Variants in MITF observed in about 807,000 individuals in gnomAD.
The protein encoded by MITF is melanocyte inducing transcription factor, also known as microphthalmia-associated transcription factor.
Under a neutral mutation model 60.5 loss-of-function variants are expected in MITF, and 17 were observed. The observed-to-expected ratio is 0.28, with a 90% CI of 0.19 to 0.42. The LOEUF is 0.42. MITF is among the 10% of genes least tolerant of loss of function. MITF has a pLI of 1.00. For synonymous variants in MITF, 260 were observed against 248.5 expected (o/e 1.05, Z -0.43); for missense variants, 622 against 683.5 (o/e 0.91, Z 1.00).
At chr3:69,785,450 C>T (rs1001675763) in intron 1 of MITF, among the ~76,000 whole-genome samples, 3 of 152,198 alleles carry the variant, frequency 2.0e-5, no homozygotes, top group Admixed American at 2.0e-4. Flanking sequence ...CTGCAGGTCA[C>T]ATGACCAGTA....
chr3:69,809,224 A>G (rs2063061909), intron 1 of MITF, among the ~76,000 whole-genome samples: 1 of 152,114 alleles, frequency 6.6e-6, no homozygotes, highest in Non-Finnish European at 1.5e-5. Context: ...AGAAAATAGG[A>G]TAAGGAATGG....
At chr3:69,824,849 C>T (rs1408662855) in intron 1 of MITF, among the ~76,000 whole-genome samples, 4 of 152,184 alleles carry the variant, frequency 2.6e-5, no homozygotes, top group Non-Finnish European at 5.9e-5. Context: ...TTCCCTGAAA[C>T]CCTAGAGGAT....
At chr3:69,908,085 C>T (rs79201871) in intron 2 of MITF, among the ~76,000 whole-genome samples, 2 of 148,792 alleles carry the variant, frequency 1.3e-5, no homozygotes, top group Non-Finnish European at 1.5e-5. Context: ...CCTTATGGGG[C>T]TTTTGCCTTT....
chr3:69,937,365 G>GGTGTGTGTGTGT lies in MITF; in HGVS notation c.355-428_355-417dup, dbSNP rs56689910. On this transcript the variant is annotated intron_variant, in intron 2 of 9. Coordinates refer to ENST00000352241, the MANE Select transcript of MITF (RefSeq NM_001354604.2). ...ATTTTACACAGTTGGTTCTTAAGGAGGTGTGTGTGTGTGTGTGTGTGTGTG... is the reference window on the plus strand; with the variant it reads ...ATTTTACACAGTTGGTTCTTAAGGAGGTGTGTGTGTGTGTGTGTGTGTGTGTGTGTGTGTGTG... Among the ~76,000 whole-genome samples the GGTGTGTGTGTGT allele has an allele frequency of 9.8e-5, 14 of 142,204 alleles. No individual in the cohort carries two copies. In the East Asian group the frequency reaches 1.7e-3, roughly 17 times the overall value. The allele number at this position is 142,204 out of a possible 152,430, so 93.3% of individuals were successfully genotyped here. A position where few individuals can be genotyped will look rare whatever the true frequency, so the allele number is the denominator to read the frequency against.
intron 1 of MITF, among the ~76,000 whole-genome samples, chr3:69,764,735 C>T (rs368857561): frequency 6.6e-6 from 1 of 152,090 alleles, no homozygotes; most frequent in African/African-American, 2.4e-5. Flanking sequence ...GACTCAAGGC[C>T]GTTACTGGTA....
At chr3:69,891,075 C>A (rs1384156202) in intron 2 of MITF, among the ~76,000 whole-genome samples, 1 of 152,156 alleles carries the variant, frequency 6.6e-6, no homozygotes, top group Non-Finnish European at 1.5e-5. Flanking sequence ...TTCTTATTAT[C>A]TTCCATTAAC....
chr3:69,891,263 C>A (rs1460918109), intron 2 of MITF, among the ~76,000 whole-genome samples: 2 of 152,120 alleles, frequency 1.3e-5, no homozygotes, highest in Non-Finnish European at 2.9e-5. Flanking sequence ...TTTATTGACA[C>A]CTGGGACTCC....
chr3:69,821,336 A>G (rs1268495847), intron 1 of MITF, among the ~76,000 whole-genome samples: 2 of 152,308 alleles, frequency 1.3e-5, no homozygotes, highest in South Asian at 2.1e-4. Context: ...CTCAGCTTTT[A>G]GAGACATTGA....
chr3:69,890,356 A>T (rs1419365145), intron 2 of MITF, among the ~76,000 whole-genome samples: 1 of 152,102 alleles, frequency 6.6e-6, no homozygotes, highest in East Asian at 1.9e-4. Context: ...CATACTCTCA[A>T]TCCAGGTTCT....
At chr3:69,834,235 C>T (rs188663868) in intron 1 of MITF, among the ~76,000 whole-genome samples, 1 of 152,284 alleles carries the variant, frequency 6.6e-6, no homozygotes, top group East Asian at 1.9e-4. Flanking sequence ...AGTCACTGTA[C>T]TGTACAATAG....
chr3:69,929,273 A>G (rs955574717), intron 2 of MITF, among the ~76,000 whole-genome samples: 3 of 152,180 alleles, frequency 2.0e-5, no homozygotes, highest in African/African-American at 7.2e-5. Context: ...TGTGTTCTGG[A>G]CAAAGCAGAG....
chr3:69,898,169 G>A (rs914763128), intron 2 of MITF, among the ~76,000 whole-genome samples: 5 of 152,250 alleles, frequency 3.3e-5, no homozygotes, highest in Non-Finnish European at 7.3e-5. Context: ...AAGATGTGAT[G>A]TAAAGAGTCC....
intron 2 of MITF, among the ~76,000 whole-genome samples, chr3:69,932,345 T>G (rs910026772): frequency 3.9e-5 from 6 of 152,248 alleles, no homozygotes; most frequent in Non-Finnish European, 8.8e-5. Context: ...AATCTGAATT[T>G]TATATAATTT....
chr3:69,894,872 C>T (rs2064838495), intron 2 of MITF, among the ~76,000 whole-genome samples: 1 of 152,142 alleles, frequency 6.6e-6, no homozygotes, highest in South Asian at 2.1e-4. Context: ...TCTTCCATTA[C>T]ATAGACTATC....
At chr3:69,931,522 G>T (rs534867506) in intron 2 of MITF, among the ~76,000 whole-genome samples, 153 of 152,252 alleles carry the variant, frequency 1.0e-3, no homozygotes, top group Middle Eastern at 6.8e-3. Context: ...AAGACTTGCT[G>T]GGAATTTTTG....
intron 5 of MITF, among the ~76,000 whole-genome samples, chr3:69,946,612 AC>A (rs1011626527): frequency 6.6e-6 from 1 of 151,912 alleles, no homozygotes; most frequent in South Asian, 2.1e-4. Context: ...AAATGAGATG[AC>A]CCCCAGCAAA....
chr3:69,879,383 G>A lies in MITF; in HGVS notation c.354G>A (p.Lys118=), dbSNP rs2107278912. The A allele has an allele frequency of 6.2e-7, 1 of 1,614,150 alleles. No individual in the cohort carries two copies. The highest frequency in any genetic ancestry group is 8.5e-7 in the Non-Finnish European group (1 of 1,180,028). Residue 118 remains lysine, a splice_region_variant and synonymous_variant, in exon 2 of 10, where the codon AAG becomes AAA. Coordinates refer to ENST00000352241, the MANE Select transcript of MITF (RefSeq NM_001354604.2). The part of the protein sequence containing the change: ...SATQVPMEVL[K]VQTHLENPTK... ...CGCAGGTGCCGATGGAAGTCCTTAA[G>A]GTACGTGAGTGTTGCTCTTGTTGGT...
At chr3:69,771,008 G>A (rs567726633) in intron 1 of MITF, among the ~76,000 whole-genome samples, 7 of 152,220 alleles carry the variant, frequency 4.6e-5, no homozygotes, top group Non-Finnish European at 1.0e-4. Context: ...AATATATACA[G>A]CACCACCGTA....
In MITF at chr3:69,846,934, A is replaced by G. The variant is rs533185889; in HGVS notation, c.105-32200A>G. ...AGATGCCTAGTCCTGAAATGTGTCCAAGGAATTTCTCTTTAATGATAATTC... is the reference window on the plus strand; with the variant it reads ...AGATGCCTAGTCCTGAAATGTGTCCGAGGAATTTCTCTTTAATGATAATTC... On this transcript the variant is annotated intron_variant, in intron 1 of 9. Transcript: ENST00000352241. 4.2e-4 allele frequency among the ~76,000 whole-genome samples: 64 copies of G among 152,288 alleles called. No individual in the cohort carries two copies. The South Asian group carries it at 5.2e-3, about 12-fold the overall frequency.
Sources: allele counts gnomAD v4.1 joint callset (sites outside exome capture counted in the v4.1 genomes callset), GRCh38; gene constraint gnomAD v4.1.1; transcripts MANE v1.5; gene names NCBI Gene and HGNC (gene_info 2026-07-23, HGNC 2026-07-21).